Variants in MAGED1 observed in about 807,000 individuals in gnomAD.
MAGED1 encodes melanoma-associated antigen D1.
A neutral mutation model predicts 54.1 loss-of-function variants in MAGED1; 3 were observed. The observed-to-expected ratio is 0.06, with a 90% CI of 0.03 to 0.14. The LOEUF (loss-of-function observed/expected upper bound fraction) is 0.14, where lower values mean the gene tolerates loss of function less well. Among genes scored for constraint, MAGED1 ranks in the 10% least tolerant of loss-of-function variants. MAGED1 has a pLI of 1.00. For missense variants in MAGED1, 485 were observed against 623.4 expected (o/e 0.78, Z 2.36); for synonymous variants, 217 against 227.3 (o/e 0.95, Z 0.41).
intron 1 of MAGED1, among the ~76,000 whole-genome samples, chrX:51,819,353 C>A (rs1557356325): frequency 2.7e-5 from 3 of 109,375 alleles, no homozygotes; most frequent in Non-Finnish European, 5.7e-5. Context: ...TCTGTCAAGC[C>A]GTTTCTTACC....
intron 1 of MAGED1, among the ~76,000 whole-genome samples, chrX:51,882,599 A>C (rs1928094567): frequency 1.0e-5 from 1 of 100,031 alleles, no homozygotes; most frequent in Non-Finnish European, 2.0e-5. Flanking sequence ...GAAACACCAA[A>C]GGGCACAGAC....
chrX:51,818,145 A>T (rs1557356237), intron 1 of MAGED1, among the ~76,000 whole-genome samples: 2 of 111,778 alleles, frequency 1.8e-5, no homozygotes, highest in Non-Finnish European at 3.8e-5. Context: ...AACATCCATC[A>T]TTGCCATAAG....
chrX:51,893,639 A>T lies in MAGED1; in HGVS notation c.-153A>T, dbSNP rs1360552336. The T allele has an allele frequency of 1.8e-5, 2 of 113,247 alleles. No individual in the cohort carries two copies. The highest frequency in any genetic ancestry group is 6.4e-5 in the African/African-American group (2 of 31,074). The allele number at this position is 113,247 out of a possible 1,213,427, so 9.3% of individuals were successfully genotyped here. A position where few individuals can be genotyped will look rare whatever the true frequency, so the allele number is the denominator to read the frequency against. On this transcript the variant is annotated 5_prime_UTR_variant, in exon 1 of 13. Coordinates refer to ENST00000326587, the MANE Select transcript of MAGED1 (RefSeq NM_006986.4). ...GGGTCGCCCAAGCTGCCGCGCTGGC[A>T]TTTTCTCCTGGACAAGGAGAGAGTG...
At chrX:51,893,031 A>G (rs1928505580), upstream of MAGED1, among the ~76,000 whole-genome samples, 1 of 110,705 alleles carries the variant, frequency 9.0e-6, no homozygotes, top group African/African-American at 3.3e-5. Context: ...TGCAGAAAGA[A>G]AGGGAAGAAA....
intron 4 of MAGED1, 32 bp downstream of exon 4, chrX:51,897,109 CCT>C (rs1557364412): frequency 9.2e-6 from 11 of 1,199,182 alleles, no homozygotes; most frequent in African/African-American, 1.8e-5. Context: ...TCACTTTTCC[CCT>C]CTCTTGCTCT....
intron 1 of MAGED1, among the ~76,000 whole-genome samples, chrX:51,804,200 G>T (rs1331512885): frequency 2.7e-5 from 3 of 111,616 alleles, no homozygotes; most frequent in East Asian, 2.8e-4. Context: ...TCACAGTACC[G>T]AAATGATCAT....
chrX:51,890,236 C>A (rs782238987), upstream of MAGED1, among the ~76,000 whole-genome samples: 1 of 112,648 alleles, frequency 8.9e-6, no homozygotes, highest in East Asian at 2.8e-4. Flanking sequence ...TACATGTTTT[C>A]ACACATCATT....
chrX:51,876,084 T>C (rs781874841), intron 1 of MAGED1, among the ~76,000 whole-genome samples: 1 of 111,279 alleles, frequency 9.0e-6, no homozygotes, highest in East Asian at 2.8e-4. Flanking sequence ...TTTCAGAGAC[T>C]ATAAATCAGC....
chrX:51,876,445 C>T (rs1433846105), intron 1 of MAGED1, among the ~76,000 whole-genome samples: 7 of 110,999 alleles, frequency 6.3e-5, no homozygotes, highest in Non-Finnish European at 1.3e-4. Flanking sequence ...ATACTCCACT[C>T]TGTTCTTATC....
intron 7 of MAGED1, 82 bp from the exon 8 acceptor site, chrX:51,898,032 T>C (rs782215700): frequency 2.5e-4 from 240 of 949,792 alleles, no homozygotes; most frequent in Non-Finnish European, 3.1e-4. Context: ...CTGAGGAATA[T>C]TGGGGAGGCT....
intron 1 of MAGED1, chrX:51,803,161 C>T (rs782459774): frequency 1.8e-5 from 2 of 111,149 alleles, no homozygotes; most frequent in Non-Finnish European, 3.8e-5. Context: ...CAAATAAATC[C>T]CCATACACTC....
intron 1 of MAGED1, among the ~76,000 whole-genome samples, chrX:51,839,204 C>T (rs1347365925): frequency 2.7e-5 from 3 of 111,664 alleles, no homozygotes; most frequent in Non-Finnish European, 5.7e-5. Flanking sequence ...AACATTTATC[C>T]CAAATACTTA....
chrX:51,862,339 CATTT>C (rs1557360759), intron 1 of MAGED1, among the ~76,000 whole-genome samples: 1 of 111,038 alleles, frequency 9.0e-6, no homozygotes, highest in East Asian at 2.8e-4. Context: ...ACATGATAGA[CATTT>C]ATTTGTTGAA....
At chrX:51,808,484 G>A (rs1925105440) in intron 1 of MAGED1, among the ~76,000 whole-genome samples, 1 of 112,009 alleles carries the variant, frequency 8.9e-6, no homozygotes, top group Non-Finnish European at 1.9e-5. Context: ...CGAGGTGGGA[G>A]GACAACTTGA....
intron 1 of MAGED1, among the ~76,000 whole-genome samples, chrX:51,822,698 G>A (rs931695485): frequency 9.0e-6 from 1 of 110,938 alleles, no homozygotes; most frequent in African/African-American, 3.3e-5. Context: ...ATGGTGTGGA[G>A]TTCTTTTTAT....
chrX:51,898,723 C>A lies in MAGED1; in HGVS notation c.1844+80C>A, dbSNP rs1046752489. The A allele has an allele frequency of 6.0e-5, 56 of 938,399 alleles. No individual in the cohort carries two copies. The African/African-American group carries it at 1.0e-3, about 17-fold the overall frequency. The allele number at this position is 938,399 out of a possible 1,213,427, so 77.3% of individuals were successfully genotyped here. A position where few individuals can be genotyped will look rare whatever the true frequency, so the allele number is the denominator to read the frequency against. On this transcript the variant is annotated intron_variant, in intron 10 of 12. Coordinates refer to ENST00000326587, the MANE Select transcript of MAGED1 (RefSeq NM_006986.4). The stretch of plus-strand genomic sequence containing the variant: ...GTCAGCTTTAGAAAGCCCTTCCTGG[C>A]TGGATACAATGGCTCATGCCTGTAA...
intron 1 of MAGED1, among the ~76,000 whole-genome samples, chrX:51,831,416 A>G (rs1557357451): frequency 1.8e-5 from 2 of 111,315 alleles, no homozygotes; most frequent in Admixed American, 9.5e-5. Flanking sequence ...GTTCAAGACC[A>G]GCCTGGGCAA....
chrX:51,882,928 T>A (rs1473524458), intron 1 of MAGED1, among the ~76,000 whole-genome samples: 1 of 111,612 alleles, frequency 9.0e-6, no homozygotes, highest in African/African-American at 3.3e-5. Context: ...TGACCTCAGG[T>A]GATCCGCCTG....
intron 1 of MAGED1, chrX:51,803,247 C>T (rs1418742419): frequency 9.0e-6 from 1 of 111,291 alleles, no homozygotes; most frequent in East Asian, 2.8e-4. Flanking sequence ...ATGAAGGATG[C>T]TTCTGACGCC....
Sources: gnomAD v4.1 joint callset for allele counts (sites outside exome capture counted in the v4.1 genomes callset) on GRCh38, gnomAD v4.1.1 for gene constraint, MANE v1.5 for transcripts, NCBI Gene and HGNC (gene_info 2026-07-23, HGNC 2026-07-21) for gene names.